The following GSE1 variants were observed in gnomAD, a reference collection of about 807,000 sequenced individuals.
The protein encoded by GSE1 is Gse1 coiled-coil protein, also known as genetic suppressor element 1.
A neutral mutation model predicts 112.6 loss-of-function variants in GSE1; 32 were observed. That is an observed-to-expected ratio of 0.28 (90% CI 0.21 to 0.38). The LOEUF (loss-of-function observed/expected upper bound fraction) is 0.38. Ranked by LOEUF, GSE1 falls within the 10% of genes least tolerant of loss-of-function variation. The pLI is 1.00. For missense variants in GSE1, 2,348 were observed against 1,699.2 expected, an observed-to-expected ratio of 1.38 and a Z score of -6.71; for synonymous variants, 1,115 against 735.6, an observed-to-expected ratio of 1.52 and a Z score of -8.35.
At chr16:85,353,647 A>C (rs1194627381) in intron 1 of GSE1, among the ~76,000 whole-genome samples, 2 of 151,962 alleles carry the variant, frequency 1.3e-5, no homozygotes, top group East Asian at 1.9e-4. Context: ...CAGCCTCGGC[A>C]ACAAGCAAGA....
At chr16:85,183,706 C>T (rs969736654) in intron 1 of GSE1, among the ~76,000 whole-genome samples, 8 of 152,328 alleles carry the variant, frequency 5.3e-5, no homozygotes, top group Admixed American at 2.0e-4. Flanking sequence ...TGATGGCTCA[C>T]CTACGTGGAT....
At chr16:85,651,060 TCC>T (rs2051304374) in intron 3 of GSE1, among the ~76,000 whole-genome samples, 4 of 24,758 alleles carry the variant, frequency 1.6e-4, no homozygotes, top group African/African-American at 6.4e-4. Context: ...CTCCTCCCCC[TCC>T]CCCTCCGCCC....
At chr16:85,607,371 T>C (rs2047752194), upstream of GSE1, among the ~76,000 whole-genome samples, 1 of 152,222 alleles carries the variant, frequency 6.6e-6, no homozygotes, top group African/African-American at 2.4e-5. Flanking sequence ...TCCCGCCCGC[T>C]TTCCAGCCGC....
intron 2 of GSE1, among the ~76,000 whole-genome samples, chr16:85,531,404 G>T (rs2044131845): frequency 6.6e-6 from 1 of 152,118 alleles, no homozygotes; most frequent in Non-Finnish European, 1.5e-5. Flanking sequence ...GTAGACGGAT[G>T]AGCACAGACT....
chr16:85,308,700 C>A (rs116896067), intron 1 of GSE1, among the ~76,000 whole-genome samples: 1 of 151,944 alleles, frequency 6.6e-6, no homozygotes, highest in Non-Finnish European at 1.5e-5. Flanking sequence ...GGGGAAGGCT[C>A]TCGCTCTGTC....
intron 2 of GSE1, among the ~76,000 whole-genome samples, chr16:85,369,344 G>A (rs552713189): frequency 6.6e-6 from 1 of 152,164 alleles, no homozygotes; most frequent in Admixed American, 6.5e-5. Flanking sequence ...AGCCTCCCAA[G>A]TAGCTGGGAT....
At chr16:85,566,617 G>GT (rs1598207830) in intron 1 of GSE1, among the ~76,000 whole-genome samples, 1 of 152,222 alleles carries the variant, frequency 6.6e-6, no homozygotes, top group African/African-American at 2.4e-5. Context: ...CCCACAGCCA[G>GT]TGCCCCGAGG....
intron 1 of GSE1, among the ~76,000 whole-genome samples, chr16:85,321,601 A>C (rs1040426892): frequency 1.3e-5 from 2 of 151,948 alleles, no homozygotes; most frequent in African/African-American, 4.8e-5. Context: ...ATGCTGCTAC[A>C]CTCCAGCCTG....
chr16:85,294,885 C>G (rs1185809887), intron 1 of GSE1, among the ~76,000 whole-genome samples: 1 of 151,632 alleles, frequency 6.6e-6, no homozygotes, highest in Non-Finnish European at 1.5e-5. Context: ...ACATTTTGTA[C>G]GTTCACAGTA....
chr16:85,668,028 A>G, intron 13 of GSE1, 112 bp from the exon 14 acceptor site: 1 of 777,816 alleles, frequency 1.3e-6, no homozygotes, highest in Non-Finnish European at 2.1e-6. Context: ...TGGTCCCCGG[A>G]GCCCTGCAGT....
chr16:85,185,713 G>A (rs73260329), intron 1 of GSE1, among the ~76,000 whole-genome samples: 2,399 of 152,350 alleles, frequency 0.016, 66 homozygotes, highest in African/African-American at 0.055. Context: ...GGGCTTTTGG[G>A]AGCCCCAGCC....
At chr16:85,201,007 A>G (rs764480106) in intron 1 of GSE1, among the ~76,000 whole-genome samples, 12 of 152,214 alleles carry the variant, frequency 7.9e-5, no homozygotes, top group Admixed American at 3.9e-4. Flanking sequence ...GAACAGAACG[A>G]AGCAGTATTG....
chr16:85,607,621 T>TG (rs935225573), upstream of GSE1, among the ~76,000 whole-genome samples: 4 of 152,110 alleles, frequency 2.6e-5, no homozygotes, highest in African/African-American at 9.7e-5. Context: ...AGAGGTGACC[T>TG]GGGCTACTGA....
At chr16:85,645,028 C>G (rs956019485) in intron 2 of GSE1, among the ~76,000 whole-genome samples, 1 of 151,878 alleles carries the variant, frequency 6.6e-6, no homozygotes, top group African/African-American at 2.4e-5. Flanking sequence ...TGTCCCCACC[C>G]TCTGCCCCTG....
chr16:85,652,486 G>C (rs1007627664), intron 3 of GSE1, among the ~76,000 whole-genome samples: 4 of 152,220 alleles, frequency 2.6e-5, no homozygotes, highest in Non-Finnish European at 5.9e-5. Context: ...CTACAGAGAA[G>C]GGGGGCCGGG....
intron 2 of GSE1, among the ~76,000 whole-genome samples, chr16:85,500,998 GTTTTTT>G (rs55650214): frequency 7.7e-5 from 5 of 64,826 alleles, no homozygotes; most frequent in African/African-American, 2.0e-4. Flanking sequence ...GGCCTGTTCT[GTTTTTT>G]TTTTTTTTTT....
chr16:85,596,282 A>T (rs531710311), intron 1 of GSE1, among the ~76,000 whole-genome samples: 1 of 152,298 alleles, frequency 6.6e-6, no homozygotes, highest in South Asian at 2.1e-4. Context: ...TGCAGAACGC[A>T]TCACTGACTT....
intron 1 of GSE1, among the ~76,000 whole-genome samples, chr16:85,354,184 C>T (rs771825227): frequency 1.9e-4 from 29 of 152,208 alleles, no homozygotes; most frequent in South Asian, 2.1e-4. Context: ...CCATCTCCCC[C>T]GGTGGTATTC....
At chr16:85,489,947 G>A (rs1296253991) in intron 2 of GSE1, 1 of 152,268 alleles carries the variant, frequency 6.6e-6, no homozygotes, top group Non-Finnish European at 1.5e-5. Context: ...CACCCACCGG[G>A]AGTGGGAATG....
Sources: gnomAD v4.1 joint callset for allele counts (sites outside exome capture counted in the v4.1 genomes callset) on GRCh38, gnomAD v4.1.1 for gene constraint, MANE v1.5 for transcripts, NCBI Gene and HGNC (gene_info 2026-07-23, HGNC 2026-07-21) for gene names.